Variants in RASA1 observed in about 807,000 individuals in gnomAD.
The protein encoded by RASA1 is RAS p21 protein activator 1, also known as ras GTPase-activating protein 1.
A neutral mutation model predicts 132.2 loss-of-function variants in RASA1; 25 were observed. The observed-to-expected ratio is 0.19, with a 90% CI of 0.14 to 0.26. The LOEUF (loss-of-function observed/expected upper bound fraction) is 0.26, where lower values mean the gene tolerates loss of function less well. RASA1 is among the 10% of genes least tolerant of loss of function. The pLI is 1.00. For missense variants in RASA1, 964 were observed against 1,299.2 expected (o/e 0.74, Z 3.97); for synonymous variants, 477 against 449.9 (o/e 1.06, Z -0.76).
At chr5:87,383,857 ATC>A in intron 21 of RASA1, 77 bp downstream of exon 21, 9 of 1,254,084 alleles carry the variant, frequency 7.2e-6, no homozygotes, top group South Asian at 1.3e-5. Context: ...ATACTCTTAA[ATC>A]TTTTTTTTTT....
At chr5:87,291,650 A>G (rs1178818258) in intron 1 of RASA1, among the ~76,000 whole-genome samples, 1 of 152,140 alleles carries the variant, frequency 6.6e-6, no homozygotes, top group East Asian at 1.9e-4. Flanking sequence ...TCTTCCTGAT[A>G]TTGAGTTTGT....
chr5:87,323,893 A>G lies in RASA1; in HGVS notation c.540-7455A>G, dbSNP rs1580262036. 1.3e-5 allele frequency among the ~76,000 whole-genome samples: 2 copies of G among 151,952 alleles called. 1 individual carries two copies. Among genetic ancestry groups the G allele is most frequent in the South Asian group, 4.1e-4 (2 of 4,828 alleles). Reference sequence around the variant, plus strand: ...AAGACTGAGACAGGTATTTTTTTGTATCCCTGTGTATCCTCCTACTTACTA... The same window carrying G: ...AAGACTGAGACAGGTATTTTTTTGTGTCCCTGTGTATCCTCCTACTTACTA... On this transcript the variant is annotated intron_variant, in intron 1 of 24. Transcript: ENST00000274376.
intron 1 of RASA1, among the ~76,000 whole-genome samples, chr5:87,329,857 C>T (rs1055161347): frequency 3.3e-5 from 5 of 152,044 alleles, no homozygotes; most frequent in African/African-American, 1.2e-4. Context: ...AAATTTTATT[C>T]TCTTATGTCG....
At chr5:87,333,457 G>A in intron 4 of RASA1, 120 bp downstream of exon 4, 1 of 1,454,686 alleles carries the variant, frequency 6.9e-7, no homozygotes, top group Non-Finnish European at 9.2e-7. Flanking sequence ...AGGTGAAAGA[G>A]CTTTTGATAT....
chr5:87,370,748 A>G (rs1322366883), intron 12 of RASA1, among the ~76,000 whole-genome samples: 1 of 152,200 alleles, frequency 6.6e-6, no homozygotes, highest in Non-Finnish European at 1.5e-5. Context: ...TTCTGCTTAT[A>G]TTCTAACGAA....
intron 1 of RASA1, among the ~76,000 whole-genome samples, chr5:87,278,447 G>A (rs1384964538): frequency 6.6e-6 from 1 of 151,796 alleles, no homozygotes; most frequent in East Asian, 1.9e-4. Context: ...TCGGGAGGCT[G>A]AGACAGGAGA....
At chr5:87,327,828 G>A (rs1465403436) in intron 1 of RASA1, among the ~76,000 whole-genome samples, 1 of 151,994 alleles carries the variant, frequency 6.6e-6, no homozygotes, top group Non-Finnish European at 1.5e-5. Flanking sequence ...AGCCGGATGT[G>A]GTGGCACACA....
intron 11 of RASA1, among the ~76,000 whole-genome samples, chr5:87,366,169 T>G (rs1169654398): frequency 6.6e-6 from 1 of 152,174 alleles, no homozygotes; most frequent in African/African-American, 2.4e-5. Flanking sequence ...GATATGTGTC[T>G]TGACAGTTTA....
chr5:87,336,511 A>T (rs1580293733), intron 4 of RASA1, among the ~76,000 whole-genome samples: 2 of 152,274 alleles, frequency 1.3e-5, no homozygotes, highest in South Asian at 4.1e-4. Context: ...TAATGATTTA[A>T]TAAAGCACTT....
rs533433822 is a variant in RASA1, at chr5:87,349,147, A to C, written c.1103-67A>C. The C allele has an allele frequency of 5.4e-5, 85 of 1,560,556 alleles. No homozygotes were observed. In the African/African-American group the frequency reaches 8.0e-4, roughly 15 times the overall value. ...ATGACTTTGAATGCACTTTGTAATA[A>C]TACTACTTAACATCTTTTCTTTTTT... On this transcript the variant is annotated intron_variant, in intron 7 of 24. Transcript: ENST00000274376.
chr5:87,283,380 T>C (rs1754407728), intron 1 of RASA1, among the ~76,000 whole-genome samples: 1 of 151,974 alleles, frequency 6.6e-6, no homozygotes, highest in Non-Finnish European at 1.5e-5. Context: ...GTTGTGACTT[T>C]CTTGGTTCTT....
rs377521426 is a variant in RASA1 at position 87,390,752 on chromosome 5, T to C, written c.3061-48T>C. ...CAAATCCAGGTTCCCATCCTGAAAT[T>C]GCTGACCGAGCTTTCATTTATTTTC... On this transcript the variant is annotated intron_variant, in intron 24 of 24. Coordinates refer to ENST00000274376, the MANE Select transcript of RASA1 (RefSeq NM_002890.3). 8.5e-4 allele frequency: 1,285 copies of C among 1,506,226 alleles called. 1 individual carries two copies. The highest frequency in any genetic ancestry group is 1.4e-3 in the South Asian group (124 of 88,500). 93.3% of individuals were successfully genotyped at this position (1,506,226 alleles called of 1,614,324 possible).
chr5:87,346,616 ATAT>A, intron 6 of RASA1, 53 bp from the exon 7 acceptor site: 1 of 1,130,690 alleles, frequency 8.8e-7, no homozygotes, highest in Non-Finnish European at 1.3e-6. Flanking sequence ...AATTTTGATC[ATAT>A]GATAACAGCA....
intron 9 of RASA1, among the ~76,000 whole-genome samples, chr5:87,355,100 C>T (rs991152230): frequency 5.9e-5 from 9 of 152,102 alleles, no homozygotes; most frequent in African/African-American, 2.2e-4. Flanking sequence ...GCAAGTTACC[C>T]AGAACATCTA....
chr5:87,338,501 T>TTATATATATATATATATATA (rs3069490), intron 5 of RASA1, among the ~76,000 whole-genome samples: 6 of 75,670 alleles, frequency 7.9e-5, no homozygotes, highest in African/African-American at 2.9e-4. Flanking sequence ...CCAGCTAATT[T>TTATATATATATATATATATA]TATATATATA....
intron 1 of RASA1, among the ~76,000 whole-genome samples, chr5:87,291,356 G>A (rs774073087): frequency 2.2e-4 from 34 of 152,026 alleles, no homozygotes; most frequent in Admixed American, 7.9e-4. Flanking sequence ...ATGAGACTGC[G>A]ACTCTGTCTC....
chr5:87,268,011 C>T lies in RASA1; in HGVS notation c.-441C>T. The T allele has an allele frequency of 4.9e-6, 2 of 406,742 alleles. No individual in the cohort carries two copies. Among genetic ancestry groups the T allele is most frequent in the East Asian group, 7.1e-5 (2 of 28,100 alleles). The allele number at this position is 406,742 out of a possible 1,614,324, so 25.2% of individuals were successfully genotyped here. On this transcript the variant is annotated 5_prime_UTR_variant, in exon 1 of 25. The change creates a premature stop within an existing upstream ORF in the 5' untranslated region. Transcript: ENST00000274376. ...GAAGCGGCTGCAGTGGCCCCAGCCT[C>T]AGCAGCGGCACCGGCGGTGGCTGCG...
chr5:87,360,933 A>G (rs1411364513), intron 9 of RASA1, among the ~76,000 whole-genome samples: 1 of 152,170 alleles, frequency 6.6e-6, no homozygotes, highest in Non-Finnish European at 1.5e-5. Context: ...GAATATTTTA[A>G]GTATGTTCAA....
Position 87,345,097 on chromosome 5 carries a change from C to T in RASA1, c.1050-1575C>T, listed in dbSNP as rs542060213. On this transcript the variant is annotated intron_variant, in intron 6 of 24. Coordinates refer to ENST00000274376, the MANE Select transcript of RASA1 (RefSeq NM_002890.3). ...CAAGAGATCCTCCTGCCTTGGCCTC[C>T]GAAAGTACTGGGATTACAGGTGTGA... 3.3e-5 allele frequency among the ~76,000 whole-genome samples: 5 copies of T among 151,996 alleles called. No homozygotes were observed. The East Asian group carries it at 5.8e-4, about 18-fold the overall frequency.
Sources: gnomAD v4.1 joint callset for allele counts (sites outside exome capture counted in the v4.1 genomes callset) on GRCh38, gnomAD v4.1.1 for gene constraint, MANE v1.5 for transcripts, NCBI Gene and HGNC (gene_info 2026-07-23, HGNC 2026-07-21) for gene names.